The following DOCK3 variants were observed in gnomAD, a reference collection of about 807,000 sequenced individuals.
The protein encoded by DOCK3 is dedicator of cytokinesis protein 3.
In DOCK3, 60 loss-of-function variants were observed where a neutral mutation model predicts 265.6. That is an observed-to-expected ratio of 0.23 (90% CI 0.18 to 0.28). DOCK3 has a LOEUF of 0.28. Among genes scored for constraint, DOCK3 ranks in the 10% least tolerant of loss-of-function variants. DOCK3 has a pLI of 1.00. For synonymous variants in DOCK3, 881 were observed against 938.0 expected (o/e 0.94, Z 1.11); for missense variants, 1,981 against 2,594.3 (o/e 0.76, Z 5.14).
At position 51,361,976 on chromosome 3, in the gene DOCK3, G is replaced by A. The variant is rs184200474; in HGVS notation, c.5124G>A (p.Glu1708=). 2,030 of 1,609,516 alleles carry A rather than the reference G, an allele frequency of 1.3e-3. 4 individuals carry two copies. The highest frequency in any genetic ancestry group is 1.6e-3 in the Non-Finnish European group (1,910 of 1,177,960). Residue 1708 remains glutamate (E), a synonymous_variant, in exon 48 of 53, where the codon GAG becomes GAA. Coordinates refer to ENST00000266037, the MANE Select transcript of DOCK3 (RefSeq NM_004947.5). The surrounding 1 kb of genome is among the most constrained non-coding windows in gnomAD (Gnocchi z 4.2). The part of the protein sequence containing the change: ...LGDGSMGDAP[E]DLYHHMQLAY... ...ACGGCTCCATGGGTGATGCTCCTGA[G>A]GACCTGTACCACCACATGCAGGTAC...
chr3:50,696,468 C>G (rs2035622808), intron 1 of DOCK3, among the ~76,000 whole-genome samples: 1 of 152,184 alleles, frequency 6.6e-6, no homozygotes, highest in African/African-American at 2.4e-5. Flanking sequence ...TGTAGGAGTT[C>G]AGAGCCTGGG....
At chr3:50,993,673 T>C (rs2078186046) in intron 5 of DOCK3, among the ~76,000 whole-genome samples, 1 of 152,230 alleles carries the variant, frequency 6.6e-6, no homozygotes, top group Non-Finnish European at 1.5e-5. Context: ...ACTTTACTTC[T>C]ATTGCTTTCA....
intron 27 of DOCK3, among the ~76,000 whole-genome samples, chr3:51,286,002 C>T (rs899225978): frequency 1.3e-5 from 2 of 152,062 alleles, no homozygotes; most frequent in African/African-American, 4.8e-5. Flanking sequence ...AAAACGCATC[C>T]AAATAGGAAG....
chr3:51,287,463 A>T (rs2081469763), intron 27 of DOCK3, among the ~76,000 whole-genome samples: 1 of 152,158 alleles, frequency 6.6e-6, no homozygotes, highest in South Asian at 2.1e-4. Flanking sequence ...CTGAGGTAAG[A>T]TTGCTTGGGC....
At chr3:51,274,792 AC>A (rs1037254760) in intron 24 of DOCK3, among the ~76,000 whole-genome samples, 22 of 152,196 alleles carry the variant, frequency 1.4e-4, no homozygotes, top group African/African-American at 5.1e-4. Context: ...AAAAAAAGAT[AC>A]TTCATTTAGA....
intron 5 of DOCK3, among the ~76,000 whole-genome samples, chr3:51,016,990 A>C (rs1022326499): frequency 7.2e-6 from 1 of 139,632 alleles, no homozygotes; most frequent in South Asian, 2.1e-4. Flanking sequence ...GGTAAAATTT[A>C]GTAGTAAAAC....
intron 5 of DOCK3, among the ~76,000 whole-genome samples, chr3:50,951,669 T>C (rs990316938): frequency 1.3e-5 from 2 of 152,218 alleles, no homozygotes; most frequent in African/African-American, 4.8e-5. Flanking sequence ...TCAGACTGTT[T>C]TGGGTTGTCA....
At chr3:50,816,321 CTCT>C (rs2044074419) in intron 2 of DOCK3, among the ~76,000 whole-genome samples, 1 of 116,916 alleles carries the variant, frequency 8.6e-6, no homozygotes, top group Non-Finnish European at 1.8e-5. Flanking sequence ...GTTCTTGTAA[CTCT>C]TTTTTTTTTT....
At chr3:51,326,016 C>T (rs2084083385) in intron 32 of DOCK3, among the ~76,000 whole-genome samples, 1 of 148,304 alleles carries the variant, frequency 6.7e-6, no homozygotes, top group African/African-American at 2.5e-5. Context: ...ACCTATGTAA[C>T]AAAACTGCCC....
At chr3:50,937,276 TAAAA>T (rs60209788) in intron 5 of DOCK3, among the ~76,000 whole-genome samples, 1 of 110,722 alleles carries the variant, frequency 9.0e-6, no homozygotes, top group African/African-American at 3.5e-5. Context: ...AAACTCCATC[TAAAA>T]AAAAAAAAAA....
At chr3:50,798,562 A>T (rs1173845469) in intron 2 of DOCK3, among the ~76,000 whole-genome samples, 2 of 151,818 alleles carry the variant, frequency 1.3e-5, no homozygotes. Context: ...TCATTTGCCC[A>T]TTTTGTAATT....
intron 12 of DOCK3, among the ~76,000 whole-genome samples, chr3:51,199,741 G>T (rs969971170): frequency 2.2e-4 from 33 of 152,226 alleles, no homozygotes; most frequent in Non-Finnish European, 3.5e-4. Flanking sequence ...GCCTCCTCAA[G>T]TGGGTCCCTG....
At chr3:51,155,650 G>A (rs2085810722) in intron 10 of DOCK3, among the ~76,000 whole-genome samples, 1 of 152,148 alleles carries the variant, frequency 6.6e-6, no homozygotes, top group Non-Finnish European at 1.5e-5. Context: ...ATTTGGCATG[G>A]CCTTTATTCT....
At chr3:51,115,306 G>C (rs973162602) in intron 9 of DOCK3, among the ~76,000 whole-genome samples, 1 of 152,078 alleles carries the variant, frequency 6.6e-6, no homozygotes, top group African/African-American at 2.4e-5. Flanking sequence ...TCAAGCATCT[G>C]TTGTTTCCTG....
chr3:50,867,217 T>G (rs1359758962), intron 3 of DOCK3, among the ~76,000 whole-genome samples: 1 of 152,216 alleles, frequency 6.6e-6, no homozygotes, highest in Non-Finnish European at 1.5e-5. Context: ...TTGAGTTTCT[T>G]TTTTAGATTG....
At chr3:51,061,461 G>A (rs576051566) in intron 5 of DOCK3, among the ~76,000 whole-genome samples, 2 of 151,516 alleles carry the variant, frequency 1.3e-5, no homozygotes, top group South Asian at 4.2e-4. Flanking sequence ...CTATTGCAAG[G>A]ACAAAAAACC....
At chr3:51,071,655 G>A (rs1420016530) in intron 6 of DOCK3, among the ~76,000 whole-genome samples, 1 of 152,150 alleles carries the variant, frequency 6.6e-6, no homozygotes, top group Non-Finnish European at 1.5e-5. Flanking sequence ...TAGACAGTGT[G>A]GTTTGGTGGT....
chr3:51,280,338 A>G, intron 27 of DOCK3, 134 bp downstream of exon 27: 1 of 828,272 alleles, frequency 1.2e-6, no homozygotes, highest in Non-Finnish European at 1.9e-6. Context: ...GCCCTGCTTT[A>G]CAGCTGAGTG....
intron 12 of DOCK3, among the ~76,000 whole-genome samples, chr3:51,168,853 T>C (rs1404888630): frequency 6.6e-6 from 1 of 151,258 alleles, no homozygotes; most frequent in African/African-American, 2.5e-5. Flanking sequence ...CTGACAAAGG[T>C]CCAATATCTA....
Sources: allele counts gnomAD v4.1 joint callset (sites outside exome capture counted in the v4.1 genomes callset), GRCh38; gene constraint gnomAD v4.1.1; non-coding constraint Gnocchi (gnomAD v3.1); transcripts MANE v1.5; gene names NCBI Gene and HGNC (gene_info 2026-07-23, HGNC 2026-07-21).